Variants in CHD7 observed in about 807,000 individuals in gnomAD.
CHD7 encodes chromodomain helicase DNA binding protein 7.
A neutral mutation model predicts 307.3 loss-of-function variants in CHD7; 24 were observed. The observed-to-expected ratio is 0.08, with a 90% CI of 0.06 to 0.11. The LOEUF (loss-of-function observed/expected upper bound fraction) is 0.11. Among genes scored for constraint, CHD7 ranks in the 10% least tolerant of loss-of-function variants. The pLI is 1.00. For missense variants in CHD7, 3,106 were observed against 3,727.1 expected (o/e 0.83, Z 4.34); for synonymous variants, 1,363 against 1,349.9 (o/e 1.01, Z -0.21).
chr8:60,742,371 T>C lies in CHD7; in HGVS notation c.939T>C (p.Tyr313=), dbSNP rs1809084920. 1.2e-6 allele frequency: 2 copies of C among 1,613,882 alleles called. No individual in the cohort carries two copies. The highest frequency in any genetic ancestry group is 2.2e-5 in the South Asian group (2 of 91,084). ...ACAACTCAGGGCAGTATTCTCGATATCCTTACAGTAACCTAAATCAGGGAT... is the reference window on the plus strand; with the variant it reads ...ACAACTCAGGGCAGTATTCTCGATACCCTTACAGTAACCTAAATCAGGGAT... ...TINNSGQYSR[Y]PYSNLNQGLV... is the part of the protein sequence containing the mutation. The change falls in exon 2 of 38, where the codon TAT becomes TAC. Residue 313 remains tyrosine (Y), a synonymous_variant. Coordinates refer to ENST00000423902, the MANE Select transcript of CHD7 (RefSeq NM_017780.4).
At chr8:60,759,570 G>A (rs916249823) in intron 2 of CHD7, among the ~76,000 whole-genome samples, 1 of 150,522 alleles carries the variant, frequency 6.6e-6, no homozygotes, top group African/African-American at 2.4e-5. Flanking sequence ...GAGCATTTAT[G>A]GTAAACAACT....
rs1805506607 is a variant in CHD7 at position 60,852,687 on chromosome 8, G to A, written c.6084G>A (p.Met2028Ile). 6.2e-7 allele frequency: 1 copy of A among 1,613,842 alleles called. No individual in the cohort carries two copies. Among genetic ancestry groups the A allele is most frequent in the Admixed American group, 1.7e-5 (1 of 60,000 alleles). The change falls in exon 30 of 38, where the codon ATG (methionine) becomes ATA (isoleucine). Residue 2028 changes from methionine to isoleucine, a missense_variant. Met to Ile is a conservative substitution (Grantham distance 10). This residue lies in a region of CHD7 where 1,030 missense variants were observed against 1,165.4 expected (regional missense o/e 0.88). Transcript: ENST00000423902. The stretch of plus-strand genomic sequence containing the variant: ...CCATGTGTAGGCGAGTATGTCGAAT[G>A]CCCGTCAAGCCAGATGATGGTAGGT... Reference protein sequence around the residue: ...FVAMCRRVCRMPVKPDDEPPD... With the variant: ...FVAMCRRVCRIPVKPDDEPPD...
chr8:60,833,382 G>A (rs1804608389), intron 15 of CHD7, among the ~76,000 whole-genome samples: 1 of 152,212 alleles, frequency 6.6e-6, no homozygotes, highest in Admixed American at 6.5e-5. Flanking sequence ...GTACCCTGCT[G>A]GTTAGAGCTG....
intron 1 of CHD7, among the ~76,000 whole-genome samples, chr8:60,692,884 A>G (rs895260519): frequency 1.3e-5 from 2 of 151,926 alleles, no homozygotes; most frequent in Non-Finnish European, 2.9e-5. Flanking sequence ...CAGCAACCTT[A>G]TTTGCTACTA....
At chr8:60,718,480 A>C (rs895815950) in intron 1 of CHD7, among the ~76,000 whole-genome samples, 1 of 147,862 alleles carries the variant, frequency 6.8e-6, no homozygotes, top group South Asian at 2.1e-4. Flanking sequence ...ATCTCAAAAG[A>C]AAAAAAAAAA....
At chr8:60,781,503 A>G (rs1811230550) in intron 3 of CHD7, 73 bp downstream of exon 3, 2 of 1,449,998 alleles carry the variant, frequency 1.4e-6, no homozygotes, top group Non-Finnish European at 1.8e-6. Flanking sequence ...GTTACAGCCT[A>G]TGAAATGAGG....
At chr8:60,679,450 A>AGGG (rs1805457803) in intron 1 of CHD7, 7 of 27,838 alleles carry the variant, frequency 2.5e-4, no homozygotes, top group Non-Finnish European at 4.7e-4. Context: ...GGGGGGGGGT[A>AGGG]CGGGGGACAG....
At chr8:60,681,645 G>A (rs1256727576) in intron 1 of CHD7, among the ~76,000 whole-genome samples, 1 of 152,168 alleles carries the variant, frequency 6.6e-6, no homozygotes, top group African/African-American at 2.4e-5. Context: ...GCCCAATAGT[G>A]GAAATATGGC....
At chr8:60,818,439 T>A (rs2150742386) in intron 8 of CHD7, among the ~76,000 whole-genome samples, 1 of 152,254 alleles carries the variant, frequency 6.6e-6, no homozygotes, top group East Asian at 1.9e-4. Context: ...CTAAAGAGAG[T>A]TTTTGCCATC....
At chr8:60,696,822 C>G (rs1006392173) in intron 1 of CHD7, among the ~76,000 whole-genome samples, 1 of 150,724 alleles carries the variant, frequency 6.6e-6, no homozygotes, top group African/African-American at 2.4e-5. Flanking sequence ...ATATCTGAAA[C>G]AATACTTTCA....
chr8:60,810,465 C>T lies in CHD7; in HGVS notation c.2498+2193C>T, dbSNP rs149223578. Among the ~76,000 whole-genome samples, 1,135 of 151,648 alleles carry T rather than the reference C, an allele frequency of 7.5e-3. 12 individuals are homozygous for T. Among genetic ancestry groups the T allele is most frequent in the African/African-American group, 0.026 (1,063 of 41,328 alleles). ...TTATATACACACACATATTTACCTACCTCTCCAACACAACAGCAAAAACAA... is the reference window on the plus strand; with the variant it reads ...TTATATACACACACATATTTACCTATCTCTCCAACACAACAGCAAAAACAA... On this transcript the variant is annotated intron_variant, in intron 7 of 37. Coordinates refer to ENST00000423902, the MANE Select transcript of CHD7 (RefSeq NM_017780.4).
At chr8:60,716,210 C>T (rs1202667816) in intron 1 of CHD7, among the ~76,000 whole-genome samples, 1 of 152,208 alleles carries the variant, frequency 6.6e-6, no homozygotes, top group Non-Finnish European at 1.5e-5. Context: ...CAGTAGCTCC[C>T]CTACTGCTCT....
intron 1 of CHD7, among the ~76,000 whole-genome samples, chr8:60,707,074 A>G (rs1348157985): frequency 2.0e-5 from 3 of 152,168 alleles, no homozygotes; most frequent in Non-Finnish European, 4.4e-5. Flanking sequence ...GCAGTAATCT[A>G]CAAAGATCTT....
At chr8:60,756,743 G>A (rs1451586275) in intron 2 of CHD7, among the ~76,000 whole-genome samples, 1 of 152,046 alleles carries the variant, frequency 6.6e-6, no homozygotes, top group Non-Finnish European at 1.5e-5. Flanking sequence ...AAAATGGATG[G>A]GGTGGGTGCA....
chr8:60,781,090 T>A lies in CHD7; in HGVS notation c.1756T>A (p.Tyr586Asn). The change falls in exon 3 of 38, where the codon TAC (tyrosine) becomes AAC (asparagine). Residue 586 changes from tyrosine (Y) to asparagine (N), a missense_variant. By Grantham distance (143) the Tyr-to-Asn change is moderately radical. This residue lies in a region of CHD7 where 998 missense variants were observed against 1,004.5 expected (regional missense o/e 0.99). Coordinates refer to ENST00000423902, the MANE Select transcript of CHD7 (RefSeq NM_017780.4). Reference protein sequence around the residue: ...PNAQLVKSDDYLPSIEQQPQQ... With the variant: ...PNAQLVKSDDNLPSIEQQPQQ... ...TGCTCAGCTAGTGAAGAGTGATGAT[T>A]ACCTGCCATCAATAGAACAGCAGCC... 1.2e-6 allele frequency: 2 copies of A among 1,611,230 alleles called. No individual in the cohort carries two copies. The highest frequency in any genetic ancestry group is 1.7e-6 in the Non-Finnish European group (2 of 1,178,818).
chr8:60,809,680 A>G (rs1317443129), intron 7 of CHD7: 6 of 151,266 alleles, frequency 4.0e-5, no homozygotes, highest in Admixed American at 6.6e-5. Context: ...AAAAAAAAAA[A>G]AAAAAAAAAA....
chr8:60,759,339 C>T (rs1256595012), intron 2 of CHD7, among the ~76,000 whole-genome samples: 1 of 152,110 alleles, frequency 6.6e-6, no homozygotes, highest in Non-Finnish European at 1.5e-5. Context: ...TGCTCTTAAG[C>T]AAACCTATTG....
At chr8:60,713,068 G>T (rs1034261840) in intron 1 of CHD7, among the ~76,000 whole-genome samples, 1 of 96,858 alleles carries the variant, frequency 1.0e-5, no homozygotes, top group African/African-American at 4.1e-5. Flanking sequence ...AAAAAAAAAA[G>T]AATTCTTTCC....
chr8:60,749,957 A>G (rs1025540515), intron 2 of CHD7, among the ~76,000 whole-genome samples: 2 of 152,176 alleles, frequency 1.3e-5, no homozygotes, highest in African/African-American at 4.8e-5. Flanking sequence ...TTTTTCCTCA[A>G]CATCCAACAA....
Sources: gnomAD v4.1 joint callset for allele counts (sites outside exome capture counted in the v4.1 genomes callset) on GRCh38, gnomAD v4.1.1 for gene constraint, gnomAD v4.1.1 regional missense constraint, MANE v1.5 for transcripts, NCBI Gene and HGNC (gene_info 2026-07-23, HGNC 2026-07-21) for gene names.